NMNAT3: variants seen among roughly 807,000 people sequenced by gnomAD.
NMNAT3 encodes the protein nicotinamide nucleotide adenylyltransferase 3.
A neutral mutation model predicts 24.8 loss-of-function variants in NMNAT3; 21 were observed. The observed-to-expected ratio is 0.85, with a 90% confidence interval of 0.60 to 1.22. NMNAT3 has a LOEUF of 1.22. Among genes scored for constraint, NMNAT3 ranks in the 50% most tolerant of loss-of-function variants. The pLI, the probability that NMNAT3 is intolerant of heterozygous loss-of-function variation, is 0.00. For synonymous variants in NMNAT3, 136 were observed against 155.2 expected (o/e 0.88, Z 0.92); for missense variants, 387 against 436.6 (o/e 0.89, Z 1.01).
intron 1 of NMNAT3, among the ~76,000 whole-genome samples, chr3:139,660,147 G>A (rs2057369343): frequency 6.6e-6 from 1 of 152,182 alleles, no homozygotes; most frequent in Non-Finnish European, 1.5e-5. Flanking sequence ...CTCCTGGGAA[G>A]CCCCTCTCCT....
At chr3:139,622,848 TTA>T (rs61508216) in intron 3 of NMNAT3, among the ~76,000 whole-genome samples, 37 of 136,348 alleles carry the variant, frequency 2.7e-4, no homozygotes, top group African/African-American at 7.9e-4. Flanking sequence ...ATTATATATA[TTA>T]TATATATATA....
intron 2 of NMNAT3, among the ~76,000 whole-genome samples, chr3:139,629,204 A>G (rs2108315390): frequency 6.6e-6 from 1 of 152,300 alleles, no homozygotes; most frequent in East Asian, 1.9e-4. Flanking sequence ...GCCAGCAGGC[A>G]GGTTGTGAGC....
intron 1 of NMNAT3, among the ~76,000 whole-genome samples, chr3:139,673,981 A>T (rs1335936376): frequency 1.3e-5 from 2 of 152,120 alleles, no homozygotes; most frequent in Non-Finnish European, 2.9e-5. Flanking sequence ...CTTCCCTGCA[A>T]CAGAGTGTGC....
intron 3 of NMNAT3, among the ~76,000 whole-genome samples, chr3:139,590,435 T>A (rs1168597976): frequency 5.3e-5 from 8 of 152,006 alleles, no homozygotes; most frequent in Non-Finnish European, 2.9e-5. Flanking sequence ...GAGAGTGAAA[T>A]CTTCATTTTT....
At chr3:139,620,127 T>C (rs1226214292) in intron 3 of NMNAT3, among the ~76,000 whole-genome samples, 1 of 152,096 alleles carries the variant, frequency 6.6e-6, no homozygotes, top group Non-Finnish European at 1.5e-5. Context: ...TTTCTCTTAC[T>C]ATTTATTTGT....
intron 3 of NMNAT3, among the ~76,000 whole-genome samples, chr3:139,607,917 C>T (rs1300088452): frequency 1.3e-5 from 2 of 152,222 alleles, no homozygotes; most frequent in African/African-American, 2.4e-5. Context: ...CAAGGCCTAA[C>T]TCCGTCTTGA....
At position 139,561,041 on chromosome 3, in the gene NMNAT3, C is replaced by T; in HGVS notation, c.1010G>A (p.Ser337Asn). 6.2e-7 allele frequency: 1 copy of T among 1,613,618 alleles called. No individual in the cohort carries two copies. The highest frequency in any genetic ancestry group is 8.5e-7 in the Non-Finnish European group (1 of 1,179,926). The change falls in exon 7 of 7, where the codon AGC (serine) becomes AAC (asparagine). Residue 337 changes from serine (S) to asparagine (N), a missense_variant. By Grantham distance (46) the Ser-to-Asn change is conservative (BLOSUM62 1). Transcript: ENST00000643695. The stretch of plus-strand genomic sequence containing the variant: ...TGTCTTGCCCTCAGTGCTCTGGGTG[C>T]TTTTGCCTTTCCAGGTACTGCCCTT...
At chr3:139,591,727 C>A (rs994187658) in intron 3 of NMNAT3, among the ~76,000 whole-genome samples, 24 of 152,238 alleles carry the variant, frequency 1.6e-4, no homozygotes, top group South Asian at 4.1e-4. Flanking sequence ...CTCACAAGGC[C>A]GGGTACTCCA....
chr3:139,576,252 T>C, intron 5 of NMNAT3: 3 of 984,344 alleles, frequency 3.0e-6, no homozygotes, highest in Non-Finnish European at 3.6e-6. Flanking sequence ...AAAACTTTGA[T>C]TTTGATAATT....
intron 1 of NMNAT3, among the ~76,000 whole-genome samples, chr3:139,665,735 AG>A (rs2057558386): frequency 1.3e-5 from 2 of 150,512 alleles, no homozygotes; most frequent in East Asian, 3.9e-4. Flanking sequence ...GGAGAGAGAG[AG>A]AGAGAGAGAG....
chr3:139,591,134 G>A (rs958920976), intron 3 of NMNAT3, among the ~76,000 whole-genome samples: 1 of 151,262 alleles, frequency 6.6e-6, no homozygotes, highest in African/African-American at 2.4e-5. Context: ...AGCCGAAGCA[G>A]GGCGAGGCAT....
At chr3:139,613,947 T>A (rs1203944836) in intron 3 of NMNAT3, among the ~76,000 whole-genome samples, 2 of 148,474 alleles carry the variant, frequency 1.3e-5, no homozygotes. Context: ...TGAGAACACA[T>A]GGACACAGGA....
At chr3:139,643,835 A>G (rs1372668011) in intron 1 of NMNAT3, among the ~76,000 whole-genome samples, 1 of 152,214 alleles carries the variant, frequency 6.6e-6, no homozygotes, top group Non-Finnish European at 1.5e-5. Context: ...TACACACTTA[A>G]AAATGGTGAA....
chr3:139,596,964 A>ATATATTTT lies in NMNAT3; in HGVS notation c.110-13757_110-13756insAAAATATA, dbSNP rs1405063694. 6.3e-4 allele frequency among the ~76,000 whole-genome samples: 68 copies of ATATATTTT among 108,538 alleles called. 1 individual carries two copies. Among genetic ancestry groups the ATATATTTT allele is most frequent in the Non-Finnish European group, 8.7e-4 (47 of 53,958 alleles). 71.2% of individuals were successfully genotyped at this position (108,538 alleles called of 152,430 possible). On this transcript the variant is annotated intron_variant, in intron 3 of 6. Transcript: ENST00000643695. ...TATATATATATATATATATATATATATTTTTATTACATTGCATTACAACCA... is the reference window on the plus strand; with the variant it reads ...TATATATATATATATATATATATATATATATTTTTTTTTATTACATTGCATTACAACCA...
chr3:139,616,078 C>A (rs776967888), intron 3 of NMNAT3, among the ~76,000 whole-genome samples: 2 of 152,176 alleles, frequency 1.3e-5, no homozygotes, highest in African/African-American at 2.4e-5. Flanking sequence ...CTCCTAGTCT[C>A]TCCTGAATGC....
chr3:139,582,883 T>C, intron 4 of NMNAT3: 1 of 1,229,004 alleles, frequency 8.1e-7, no homozygotes. Context: ...TCAAAATAAG[T>C]TGGAGGGAGG....
chr3:139,579,627 G>T (rs1010686454), intron 4 of NMNAT3, among the ~76,000 whole-genome samples: 1 of 152,112 alleles, frequency 6.6e-6, no homozygotes, highest in Non-Finnish European at 1.5e-5. Context: ...CTTTGAAATA[G>T]CCATGGACTG....
At chr3:139,561,587 T>C (rs1046561130) in intron 6 of NMNAT3, among the ~76,000 whole-genome samples, 195 bp from the exon 7 acceptor site, 1 of 152,222 alleles carries the variant, frequency 6.6e-6, no homozygotes, top group African/African-American at 2.4e-5. Context: ...AAGTAATGAT[T>C]TAATCAATAC....
chr3:139,629,781 T>A (rs953311503), intron 2 of NMNAT3, among the ~76,000 whole-genome samples: 1 of 152,242 alleles, frequency 6.6e-6, no homozygotes, highest in African/African-American at 2.4e-5. Flanking sequence ...TCTTCATGGC[T>A]TCCTGCTTCA....
Sources: allele counts gnomAD v4.1 joint callset (sites outside exome capture counted in the v4.1 genomes callset), GRCh38; gene constraint gnomAD v4.1.1; transcripts MANE v1.5; gene names NCBI Gene and HGNC (gene_info 2026-07-23, HGNC 2026-07-21).